Variants in ZNF716 observed in about 807,000 individuals in gnomAD.
ZNF716 encodes the protein zinc finger protein 716.
In ZNF716, 9 loss-of-function variants were observed where a neutral mutation model predicts 13.4. That is an observed-to-expected ratio of 0.67 (90% CI 0.41 to 1.18). The LOEUF (loss-of-function observed/expected upper bound fraction) is 1.18, where lower values mean the gene tolerates loss of function less well. ZNF716 is among the 50% of genes most tolerant of loss of function. The pLI is 0.01. For missense variants in ZNF716, 581 were observed against 576.6 expected, an observed-to-expected ratio of 1.01 and a Z score of -0.08; for synonymous variants, 186 against 195.2, an observed-to-expected ratio of 0.95 and a Z score of 0.39.
chr7:57,460,704 T>G (rs10257462), intron 1 of ZNF716, among the ~76,000 whole-genome samples: 58,356 of 151,928 alleles, frequency 0.38, 11,415 homozygotes, highest in East Asian at 0.51. Context: ...GGATACTCAA[T>G]ATTTCTTTGG....
rs1789764502 is a variant in ZNF716 at position 57,464,226 on chromosome 7, A to T, written c.262+1058A>T. On this transcript the variant is annotated intron_variant, in intron 3 of 3. Coordinates refer to ENST00000420713, the MANE Select transcript of ZNF716 (RefSeq NM_001159279.1). Reference sequence around the variant, plus strand: ...AACCCCTGCCTCCCACATCCAAATGATTCGCCTGCCTCAGCCTCCTGAGTA... The same window carrying T: ...AACCCCTGCCTCCCACATCCAAATGTTTCGCCTGCCTCAGCCTCCTGAGTA... 2.7e-5 allele frequency among the ~76,000 whole-genome samples: 4 copies of T among 149,728 alleles called. 1 individual carries two copies. In the South Asian group the frequency reaches 8.4e-4, roughly 31 times the overall value.
chr7:57,465,327 A>G (rs1484072437), intron 3 of ZNF716, among the ~76,000 whole-genome samples: 1 of 151,946 alleles, frequency 6.6e-6, no homozygotes, highest in East Asian at 1.9e-4. Context: ...TGGTTAGAAA[A>G]CATACACTGT....
At chr7:57,457,201 G>T (rs1789608215) in intron 1 of ZNF716, among the ~76,000 whole-genome samples, 1 of 152,138 alleles carries the variant, frequency 6.6e-6, no homozygotes, top group African/African-American at 2.4e-5. Context: ...ACCAATGTAG[G>T]GGTCTATACC....
chr7:57,451,429 G>C (rs1449083029), intron 1 of ZNF716, among the ~76,000 whole-genome samples: 2 of 143,556 alleles, frequency 1.4e-5, no homozygotes, highest in Non-Finnish European at 3.0e-5. Context: ...CAGGAAATTG[G>C]TTTTCCCTTG....
chr7:57,459,344 C>T (rs1356997464), intron 1 of ZNF716, among the ~76,000 whole-genome samples: 4 of 151,004 alleles, frequency 2.6e-5, no homozygotes, highest in African/African-American at 9.8e-5. Context: ...CAGATTCACT[C>T]AGACATTGCT....
intron 3 of ZNF716, among the ~76,000 whole-genome samples, chr7:57,467,179 C>T (rs1554324295): frequency 6.6e-6 from 1 of 151,980 alleles, no homozygotes; most frequent in Non-Finnish European, 1.5e-5. Flanking sequence ...TCCCATATGT[C>T]TTATTAATGT....
intron 2 of ZNF716, 102 bp downstream of exon 2, chr7:57,462,688 C>CA (rs1554323359): frequency 7.5e-7 from 1 of 1,336,602 alleles, no homozygotes; most frequent in Non-Finnish European, 1.0e-6. Flanking sequence ...TTTAGCTCTC[C>CA]AGTTTTAAGA....
intron 1 of ZNF716, among the ~76,000 whole-genome samples, chr7:57,456,461 A>G (rs536401034): frequency 2.6e-5 from 4 of 152,178 alleles, no homozygotes; most frequent in South Asian, 4.2e-4. Flanking sequence ...GCTCTGAATT[A>G]TGGTCTGTGC....
In ZNF716 at chr7:57,468,966, T is replaced by A. The variant is rs183679968; in HGVS notation, c.505T>A (p.Phe169Ile). 1.5e-4 allele frequency: 234 copies of A among 1,608,960 alleles called. 2 individuals are homozygous for A. The East Asian group carries it at 4.4e-3, about 30-fold the overall frequency. Residue 169 changes from phenylalanine (F) to isoleucine (I), a missense_variant, in exon 4 of 4, where the codon TTT becomes ATT. Coordinates refer to ENST00000420713, the MANE Select transcript of ZNF716 (RefSeq NM_001159279.1). ...TAAATGCGTCAAAGTCTTTGGTAAA[T>A]TTTCAAATTCCAATAGACACAAGAC... is the stretch of plus-strand genomic sequence containing the variant. The part of the protein sequence containing the change: ...THKCVKVFGK[F>I]SNSNRHKTRH...
chr7:57,459,402 T>A (rs1415174466), intron 1 of ZNF716, among the ~76,000 whole-genome samples: 1 of 152,126 alleles, frequency 6.6e-6, no homozygotes, highest in African/African-American at 2.4e-5. Flanking sequence ...AAAAATATAA[T>A]ATTTTGGAAT....
chr7:57,469,174 A>G lies in ZNF716; in HGVS notation c.713A>G (p.Glu238Gly), dbSNP rs1554324678. The G allele has an allele frequency of 6.2e-7, 1 of 1,612,706 alleles. No homozygotes were observed. Among genetic ancestry groups the G allele is most frequent in the Admixed American group, 1.7e-5 (1 of 59,752 alleles). ...LTRHKRIHTG[E>G]KPYRCEECGK... ...AGACATAAAAGAATTCATACTGGAG[A>G]GAAACCCTACAGATGTGAGGAATGT... The change falls in exon 4 of 4, where the codon GAG (glutamate) becomes GGG (glycine). Residue 238 changes from glutamate to glycine, a missense_variant. Physicochemically the swap from Glu to Gly is moderately conservative, Grantham distance 98 (BLOSUM62 -2). Transcript: ENST00000420713.
Position 57,450,302 on chromosome 7 carries a change from C to T in ZNF716, c.14C>T (p.Pro5Leu), listed in dbSNP as rs782358572. The T allele has an allele frequency of 3.1e-6, 5 of 1,613,896 alleles. No homozygotes were observed. Among genetic ancestry groups the T allele is most frequent in the Non-Finnish European group, 3.4e-6 (4 of 1,179,950 alleles). MAKR[P>L]GPPGSREMGL... ...ATTCGCAGATTTATGGCTAAAAGAC[C>T]GGGACCCCCTGGAAGCCGAGAAATG... The change falls in exon 1 of 4, where the codon CCG becomes CTG. Residue 5 changes from proline (P) to leucine (L), a missense_variant. Transcript: ENST00000420713.
At chr7:57,462,292 G>A in intron 1 of ZNF716, 168 bp from the exon 2 acceptor site, 1 of 734,646 alleles carries the variant, frequency 1.4e-6, no homozygotes, top group Non-Finnish European at 2.3e-6. Context: ...ATACTTCCAT[G>A]TTAAACATTA....
At chr7:57,460,310 G>T (rs530943771) in intron 1 of ZNF716, among the ~76,000 whole-genome samples, 14 of 145,216 alleles carry the variant, frequency 9.6e-5, no homozygotes, top group African/African-American at 3.3e-4. Context: ...CAGTAGAATC[G>T]CTTGAACCCA....
chr7:57,465,999 C>G (rs1789804437), intron 3 of ZNF716, among the ~76,000 whole-genome samples: 1 of 149,622 alleles, frequency 6.7e-6, no homozygotes, highest in African/African-American at 2.5e-5. Flanking sequence ...AACACATGGA[C>G]ACAGGAAGGG....
intron 1 of ZNF716, among the ~76,000 whole-genome samples, chr7:57,454,987 T>C (rs1466182483): frequency 1.3e-5 from 2 of 151,834 alleles, no homozygotes; most frequent in African/African-American, 2.4e-5. Context: ...GATAGCGCCA[T>C]TGCACTACAG....
At chr7:57,464,818 C>G (rs1361801215) in intron 3 of ZNF716, among the ~76,000 whole-genome samples, 3 of 151,918 alleles carry the variant, frequency 2.0e-5, no homozygotes, top group Non-Finnish European at 4.4e-5. Flanking sequence ...TCAACATTGT[C>G]TGTTGAAGGG....
intron 1 of ZNF716, among the ~76,000 whole-genome samples, chr7:57,451,441 A>ATTTTTTTTTTTTTT (rs782311074): frequency 3.4e-5 from 3 of 89,040 alleles, no homozygotes; most frequent in African/African-American, 9.2e-5. Flanking sequence ...TTTCCCTTGG[A>ATTTTTTTTTTTTTT]TTTTTTTTTT....
chr7:57,459,214 C>T (rs1327378491), intron 1 of ZNF716, among the ~76,000 whole-genome samples: 2 of 151,930 alleles, frequency 1.3e-5, no homozygotes, highest in Non-Finnish European at 2.9e-5. Flanking sequence ...CACTTAGTAC[C>T]AGCTCCCAGG....
Sources: gnomAD v4.1 joint callset for allele counts (sites outside exome capture counted in the v4.1 genomes callset) on GRCh38, gnomAD v4.1.1 for gene constraint, MANE v1.5 for transcripts, NCBI Gene and HGNC (gene_info 2026-07-23, HGNC 2026-07-21) for gene names.